Variants in PALM2AKAP2 observed in about 807,000 individuals in gnomAD.
The protein encoded by PALM2AKAP2 is PALM2 and AKAP2 fusion, also known as PALM2-AKAP2 fusion protein.
Under a neutral mutation model 71.5 loss-of-function variants are expected in PALM2AKAP2, and 37 were observed. That is an observed-to-expected ratio of 0.52 (90% CI 0.40 to 0.68). The LOEUF (loss-of-function observed/expected upper bound fraction) is 0.68, where lower values mean the gene tolerates loss of function less well. Among genes scored for constraint, PALM2AKAP2 ranks in the 30% least tolerant of loss-of-function variants. PALM2AKAP2 has a pLI of 0.00. For synonymous variants in PALM2AKAP2, 468 were observed against 478.8 expected (o/e 0.98, Z 0.29); for missense variants, 1,224 against 1,191.8 (o/e 1.03, Z -0.40).
At chr9:109,856,741 T>C (rs1353458010) in intron 1 of PALM2AKAP2, among the ~76,000 whole-genome samples, 1 of 152,170 alleles carries the variant, frequency 6.6e-6, no homozygotes, top group Non-Finnish European at 1.5e-5. Context: ...TATTAAAAAA[T>C]GAATATAGAT....
chr9:110,024,822 TTTG>T, intron 7 of PALM2AKAP2: 1 of 686,812 alleles, frequency 1.5e-6, no homozygotes, highest in Non-Finnish European at 2.5e-6. Flanking sequence ...TCTTGGGTTT[TTTG>T]TTTTTTTTTT....
intron 1 of PALM2AKAP2, among the ~76,000 whole-genome samples, chr9:109,843,693 G>C (rs1828772028): frequency 6.6e-6 from 1 of 152,196 alleles, no homozygotes; most frequent in Non-Finnish European, 1.5e-5. Flanking sequence ...GATAGTGTGT[G>C]TGTGGACCTT....
intron 1 of PALM2AKAP2, among the ~76,000 whole-genome samples, chr9:109,700,213 C>T (rs1382900594): frequency 2.0e-5 from 3 of 152,144 alleles, no homozygotes; most frequent in African/African-American, 7.2e-5. Flanking sequence ...ATAATCCCCA[C>T]GTGTCATGGG....
At chr9:109,911,643 C>T (rs1353627183) in intron 3 of PALM2AKAP2, among the ~76,000 whole-genome samples, 1 of 152,136 alleles carries the variant, frequency 6.6e-6, no homozygotes, top group African/African-American at 2.4e-5. Flanking sequence ...AGTAGAAAAA[C>T]CAAGCCAAGA....
intron 1 of PALM2AKAP2, among the ~76,000 whole-genome samples, chr9:110,050,631 T>C (rs1256530358): frequency 6.7e-6 from 1 of 150,174 alleles, no homozygotes; most frequent in Non-Finnish European, 1.5e-5. Context: ...TTTTCTTTTT[T>C]TTTCTTTTCT....
chr9:109,842,181 A>C (rs1466866438), intron 1 of PALM2AKAP2, among the ~76,000 whole-genome samples: 1 of 152,180 alleles, frequency 6.6e-6, no homozygotes, highest in Non-Finnish European at 1.5e-5. Flanking sequence ...GCAGTGTTAG[A>C]GTCCAAAGTC....
chr9:109,876,082 A>G (rs1343097710), intron 2 of PALM2AKAP2, among the ~76,000 whole-genome samples: 1 of 152,230 alleles, frequency 6.6e-6, no homozygotes, highest in Non-Finnish European at 1.5e-5. Context: ...TATGTTAGCT[A>G]TGATACTTTT....
intron 1 of PALM2AKAP2, among the ~76,000 whole-genome samples, chr9:109,822,406 T>C (rs1213035140): frequency 6.6e-6 from 1 of 152,132 alleles, no homozygotes; most frequent in South Asian, 2.1e-4. Flanking sequence ...TCAAGGGGTA[T>C]ATGTGTGCAT....
chr9:109,862,841 ATTATTGTT>A, intron 1 of PALM2AKAP2: 1 of 492,206 alleles, frequency 2.0e-6, no homozygotes, highest in Non-Finnish European at 4.1e-6. Flanking sequence ...GTGCACATCG[ATTATTGTT>A]AGAGGAAGCA....
intron 6 of PALM2AKAP2, among the ~76,000 whole-genome samples, chr9:109,949,416 A>C (rs1032271546): frequency 5.9e-5 from 9 of 152,266 alleles, no homozygotes; most frequent in Non-Finnish European, 1.5e-5. Context: ...GAAGATGAGT[A>C]GGATGATATG....
chr9:109,991,171 CTA>C (rs1832473971), intron 6 of PALM2AKAP2, among the ~76,000 whole-genome samples: 1 of 151,992 alleles, frequency 6.6e-6, no homozygotes, highest in Non-Finnish European at 1.5e-5. Flanking sequence ...AGCATTTTCT[CTA>C]TGTCTCAGTT....
chr9:109,840,800 G>A lies in PALM2AKAP2; in HGVS notation c.46-26691G>A, dbSNP rs1013749183. 1.5e-4 allele frequency among the ~76,000 whole-genome samples: 23 copies of A among 152,234 alleles called. 1 individual carries two copies. The highest frequency in any genetic ancestry group is 1.2e-3 in the Admixed American group (18 of 15,294). ...CATCACTGGCCATCAGAGAAATGCA[G>A]ATCAAAACCACAATGAGATACCATC... On this transcript the variant is annotated intron_variant, in intron 1 of 9. Transcript: ENST00000302798.
At chr9:109,783,702 G>C (rs1587908622) in intron 1 of PALM2AKAP2, among the ~76,000 whole-genome samples, 1 of 152,206 alleles carries the variant, frequency 6.6e-6, no homozygotes, top group African/African-American at 2.4e-5. Flanking sequence ...GATATGACTT[G>C]AGGATTCATT....
At chr9:109,773,277 A>G (rs1488876794) in intron 1 of PALM2AKAP2, among the ~76,000 whole-genome samples, 1 of 152,066 alleles carries the variant, frequency 6.6e-6, no homozygotes, top group Non-Finnish European at 1.5e-5. Flanking sequence ...GTGGGACTAC[A>G]ACCATATGCT....
At chr9:110,076,513 G>GTATATATTCTACATATATATATATATA (rs1834328465) in intron 1 of PALM2AKAP2, among the ~76,000 whole-genome samples, 1 of 76,714 alleles carries the variant, frequency 1.3e-5, no homozygotes, top group African/African-American at 8.1e-5. Context: ...ATATATATAG[G>GTATATATTCTACATATATATATATATA]TATATATACC....
chr9:109,925,573 G>A (rs560873219), intron 5 of PALM2AKAP2, among the ~76,000 whole-genome samples: 12 of 152,070 alleles, frequency 7.9e-5, no homozygotes, highest in South Asian at 2.1e-4. Context: ...GACAACTGTC[G>A]TTTCTTTCAT....
At chr9:109,899,609 T>G (rs1830284777) in intron 3 of PALM2AKAP2, among the ~76,000 whole-genome samples, 1 of 152,206 alleles carries the variant, frequency 6.6e-6, no homozygotes, top group Non-Finnish European at 1.5e-5. Flanking sequence ...TTAATTTAGC[T>G]TAGAGAGTCT....
chr9:110,016,104 G>A (rs1020236364), intron 7 of PALM2AKAP2, 65 bp downstream of exon 7: 99 of 1,499,948 alleles, frequency 6.6e-5, no homozygotes, highest in Non-Finnish European at 9.0e-5. Context: ...CCGATGGCAG[G>A]TTTTTCTGGG....
chr9:109,925,026 T>G (rs41278407), intron 4 of PALM2AKAP2, 35 bp from the exon 5 acceptor site: 67,578 of 1,613,706 alleles, frequency 0.042, 1,999 homozygotes, highest in African/African-American at 0.14. Context: ...CCCCCACATG[T>G]AGAGTAACGC....
Sources: allele counts gnomAD v4.1 joint callset (sites outside exome capture counted in the v4.1 genomes callset), GRCh38; gene constraint gnomAD v4.1.1; transcripts MANE v1.5; gene names NCBI Gene and HGNC (gene_info 2026-07-23, HGNC 2026-07-21).